The following ADAM23 variants were observed in gnomAD, a reference collection of about 807,000 sequenced individuals.
ADAM23 encodes ADAM metallopeptidase domain 23, also known as disintegrin and metalloproteinase domain-containing protein 23.
Under a neutral mutation model 120.1 loss-of-function variants are expected in ADAM23, and 33 were observed. The observed-to-expected ratio is 0.27, with a 90% CI of 0.21 to 0.37. ADAM23 has a LOEUF of 0.37. Among genes scored for constraint, ADAM23 ranks in the 10% least tolerant of loss-of-function variants. The pLI is 1.00. For missense variants in ADAM23, 862 were observed against 1,058.2 expected (o/e 0.81, Z 2.57); for synonymous variants, 367 against 375.2 (o/e 0.98, Z 0.25).
At chr2:206,612,715 T>C (rs1698849418) in intron 25 of ADAM23, among the ~76,000 whole-genome samples, 1 of 152,216 alleles carries the variant, frequency 6.6e-6, no homozygotes, top group African/African-American at 2.4e-5. Flanking sequence ...GCCCTGACCT[T>C]GTCTGCCATT....
At chr2:206,544,252 A>G (rs1316908364) in intron 6 of ADAM23, among the ~76,000 whole-genome samples, 1 of 152,218 alleles carries the variant, frequency 6.6e-6, no homozygotes, top group East Asian at 1.9e-4. Flanking sequence ...TGATTATATT[A>G]TAAAATACTT....
intron 14 of ADAM23, among the ~76,000 whole-genome samples, chr2:206,565,999 C>T (rs187555734): frequency 9.2e-5 from 14 of 152,110 alleles, no homozygotes; most frequent in Admixed American, 6.5e-4. Context: ...GAGTTTAAAA[C>T]GTGAAACCCT....
intron 3 of ADAM23, among the ~76,000 whole-genome samples, chr2:206,490,255 T>C (rs572202194): frequency 1.1e-4 from 17 of 152,322 alleles, no homozygotes; most frequent in African/African-American, 3.8e-4. Flanking sequence ...CTTGGACTTC[T>C]AGCCTTCCGA....
At chr2:206,486,731 G>A (rs1380686703) in intron 3 of ADAM23, among the ~76,000 whole-genome samples, 1 of 150,896 alleles carries the variant, frequency 6.6e-6, no homozygotes, top group African/African-American at 2.4e-5. Flanking sequence ...CCTCCACCAC[G>A]ACCGTCATCA....
chr2:206,550,869 G>A (rs1490131632), intron 9 of ADAM23, among the ~76,000 whole-genome samples: 1 of 152,136 alleles, frequency 6.6e-6, no homozygotes, highest in Non-Finnish European at 1.5e-5. Context: ...CCAAAGTGCT[G>A]GGATTACAGG....
At position 206,545,496 on chromosome 2, in the gene ADAM23, T is replaced by C. The variant is rs116691829; in HGVS notation, c.721-1933T>C. On this transcript the variant is annotated intron_variant, in intron 6 of 25. Transcript: ENST00000264377. ...GCGAGACTCCATCTCAATAAATAAATTAATTAATTAATTAATTTTGAAACA... is the reference window on the plus strand; with the variant it reads ...GCGAGACTCCATCTCAATAAATAAACTAATTAATTAATTAATTTTGAAACA... 6.6e-3 allele frequency among the ~76,000 whole-genome samples: 1,005 copies of C among 151,250 alleles called. 21 individuals carry two copies. The highest frequency in any genetic ancestry group is 0.024 in the African/African-American group (967 of 40,644).
intron 3 of ADAM23, among the ~76,000 whole-genome samples, chr2:206,498,250 A>G (rs1388844805): frequency 6.6e-6 from 1 of 152,228 alleles, no homozygotes; most frequent in African/African-American, 2.4e-5. Flanking sequence ...ACTTCAAACT[A>G]TACTACAAGG....
At chr2:206,505,871 CG>C (rs1413665395) in intron 3 of ADAM23, among the ~76,000 whole-genome samples, 1 of 152,128 alleles carries the variant, frequency 6.6e-6, no homozygotes, top group African/African-American at 2.4e-5. Flanking sequence ...GGATCTCCAC[CG>C]GCTGTCTAAA....
intron 3 of ADAM23, among the ~76,000 whole-genome samples, chr2:206,516,910 A>C (rs1343638195): frequency 6.6e-6 from 1 of 152,180 alleles, no homozygotes; most frequent in Admixed American, 6.5e-5. Context: ...GTTTGAGGGC[A>C]GACAACTTCT....
chr2:206,578,562 A>G (rs1286036800), intron 18 of ADAM23, among the ~76,000 whole-genome samples: 1 of 3,750 alleles, frequency 2.7e-4, no homozygotes, highest in Admixed American at 3.1e-3. Context: ...ATTCCATCAT[A>G]TATATATATA....
chr2:206,514,419 C>T (rs1696688977), intron 3 of ADAM23, among the ~76,000 whole-genome samples: 1 of 152,054 alleles, frequency 6.6e-6, no homozygotes, highest in South Asian at 2.1e-4. Context: ...GGTAGAAAGA[C>T]AGTAAGAGAG....
chr2:206,483,762 A>G (rs1695945603), intron 3 of ADAM23, among the ~76,000 whole-genome samples: 1 of 152,182 alleles, frequency 6.6e-6, no homozygotes, highest in Admixed American at 6.5e-5. Flanking sequence ...TTGAGCAGTC[A>G]CCGGTGGTTG....
intron 21 of ADAM23, among the ~76,000 whole-genome samples, chr2:206,590,216 A>G (rs938734453): frequency 2.6e-5 from 4 of 151,738 alleles, no homozygotes; most frequent in Non-Finnish European, 5.9e-5. Context: ...TCGTGCCTCA[A>G]CCTCCTGAGT....
At chr2:206,519,416 A>C (rs1443454713) in intron 3 of ADAM23, among the ~76,000 whole-genome samples, 1 of 152,216 alleles carries the variant, frequency 6.6e-6, no homozygotes, top group African/African-American at 2.4e-5. Context: ...TAGGTAAGCA[A>C]AGCACAATCA....
intron 4 of ADAM23, among the ~76,000 whole-genome samples, chr2:206,540,268 C>CAG (rs1697264378): frequency 7.1e-6 from 1 of 141,612 alleles, no homozygotes; most frequent in South Asian, 2.3e-4. Context: ...CACACACACA[C>CAG]AGTTGTCCTT....
intron 2 of ADAM23, among the ~76,000 whole-genome samples, chr2:206,460,613 A>C (rs1384345910): frequency 2.6e-5 from 4 of 151,898 alleles, no homozygotes. Context: ...GAGTTGTAGG[A>C]GTTCTTTATG....
chr2:206,499,564 A>C (rs7569978), intron 3 of ADAM23, among the ~76,000 whole-genome samples: 47,635 of 150,878 alleles, frequency 0.32, 7,610 homozygotes, highest in Middle Eastern at 0.33. Flanking sequence ...GGGTGCAGCA[A>C]ACCAACATGG....
rs764866747 is a variant in ADAM23 at position 206,592,716 on chromosome 2, A to C, written c.2058A>C (p.Gln686His). 6.2e-7 allele frequency: 1 copy of C among 1,614,020 alleles called. No homozygotes were observed. Among genetic ancestry groups the C allele is most frequent in the Non-Finnish European group, 8.5e-7 (1 of 1,179,936 alleles). The change falls in exon 22 of 26, where the codon CAA (glutamine) becomes CAC (histidine). Residue 686 changes from glutamine to histidine, a missense_variant. Transcript: ENST00000264377. ...TCATTCCAACTTCCTTCTACCATCAAGGCCGGGTGATTGACTGCAGGTAAC... is the reference window on the plus strand; with the variant it reads ...TCATTCCAACTTCCTTCTACCATCACGGCCGGGTGATTGACTGCAGGTAAC... Reference protein sequence around the residue: ...GEIIPTSFYHQGRVIDCSGAH... With the variant: ...GEIIPTSFYHHGRVIDCSGAH...
chr2:206,549,487 C>A (rs1248851146), intron 8 of ADAM23, among the ~76,000 whole-genome samples: 5 of 151,852 alleles, frequency 3.3e-5, no homozygotes, highest in Non-Finnish European at 7.4e-5. Context: ...AATACTTACT[C>A]TTAAAGAATT....
Sources: allele counts gnomAD v4.1 joint callset (sites outside exome capture counted in the v4.1 genomes callset), GRCh38; gene constraint gnomAD v4.1.1; transcripts MANE v1.5; gene names NCBI Gene and HGNC (gene_info 2026-07-23, HGNC 2026-07-21).